Variants in GRIK2 observed in about 807,000 individuals in gnomAD.
GRIK2 encodes the protein glutamate ionotropic receptor kainate type subunit 2.
A neutral mutation model predicts 100.3 loss-of-function variants in GRIK2; 32 were observed. The ratio of observed to expected loss-of-function variants is 0.32; its 90% CI spans 0.24 to 0.43. The LOEUF is 0.43. GRIK2 is among the 20% of genes least tolerant of loss of function. The pLI is 1.00. For synonymous variants in GRIK2, 417 were observed against 389.4 expected, an observed-to-expected ratio of 1.07 and a Z score of -0.83; for missense variants, 843 against 1,114.9, an observed-to-expected ratio of 0.76 and a Z score of 3.47.
chr6:102,010,560 A>AT (rs1795479939), intron 14 of GRIK2, among the ~76,000 whole-genome samples: 1 of 151,052 alleles, frequency 6.6e-6, no homozygotes, highest in Admixed American at 6.6e-5. Flanking sequence ...ATTTTTTTGT[A>AT]TTTTTTAGTA....
chr6:101,948,500 A>G (rs1191524300), intron 14 of GRIK2, among the ~76,000 whole-genome samples: 1 of 148,080 alleles, frequency 6.8e-6, no homozygotes, highest in Non-Finnish European at 1.5e-5. Context: ...TATACATAAT[A>G]TAGTTATATA....
intron 11 of GRIK2, among the ~76,000 whole-genome samples, chr6:101,880,994 T>C (rs1036368096): frequency 7.9e-5 from 12 of 151,870 alleles, no homozygotes; most frequent in African/African-American, 2.2e-4. Context: ...ACTCATTTCA[T>C]GTCTTAGTAG....
intron 7 of GRIK2, among the ~76,000 whole-genome samples, chr6:101,765,999 A>T (rs1778025250): frequency 6.6e-6 from 1 of 152,164 alleles, no homozygotes; most frequent in Admixed American, 6.5e-5. Flanking sequence ...TATCATTAAC[A>T]TTTAAACTGT....
intron 2 of GRIK2, among the ~76,000 whole-genome samples, chr6:101,459,009 T>A (rs1435186930): frequency 2.0e-5 from 3 of 152,202 alleles, no homozygotes; most frequent in Non-Finnish European, 4.4e-5. Context: ...TCCAAATTTT[T>A]GTTTTGAAAA....
chr6:101,573,254 G>T (rs1582744372), intron 2 of GRIK2, among the ~76,000 whole-genome samples: 1 of 152,126 alleles, frequency 6.6e-6, no homozygotes, highest in African/African-American at 2.4e-5. Context: ...CTCAAACTTT[G>T]CTCGAATCAT....
intron 4 of GRIK2, among the ~76,000 whole-genome samples, chr6:101,641,578 G>C (rs1456811163): frequency 6.6e-6 from 1 of 151,684 alleles, no homozygotes; most frequent in East Asian, 1.9e-4. Context: ...GAAATTCAGC[G>C]AAGAGACTAG....
At chr6:101,605,651 C>G (rs1779408420) in intron 2 of GRIK2, among the ~76,000 whole-genome samples, 1 of 152,014 alleles carries the variant, frequency 6.6e-6, no homozygotes, top group Non-Finnish European at 1.5e-5. Flanking sequence ...GCACTCCGGC[C>G]TAGGTGACAA....
At chr6:101,759,026 A>G (rs926136853) in intron 7 of GRIK2, among the ~76,000 whole-genome samples, 1 of 152,310 alleles carries the variant, frequency 6.6e-6, no homozygotes, top group East Asian at 1.9e-4. Context: ...TTCTTTTTGT[A>G]ATATTCATTT....
At chr6:101,696,305 A>G (rs1772481652) in intron 7 of GRIK2, among the ~76,000 whole-genome samples, 1 of 151,504 alleles carries the variant, frequency 6.6e-6, no homozygotes, top group Non-Finnish European at 1.5e-5. Flanking sequence ...AATTTATATT[A>G]TATATAATGC....
intron 2 of GRIK2, among the ~76,000 whole-genome samples, chr6:101,405,538 C>A (rs1236263105): frequency 6.6e-6 from 1 of 151,952 alleles, no homozygotes; most frequent in African/African-American, 2.4e-5. Flanking sequence ...AGTAGAGAAA[C>A]CACAGAGACA....
At chr6:101,577,347 C>T (rs574144416) in intron 2 of GRIK2, among the ~76,000 whole-genome samples, 1 of 152,102 alleles carries the variant, frequency 6.6e-6, no homozygotes, top group African/African-American at 2.4e-5. Flanking sequence ...AACATAATAA[C>T]AGCATTCATT....
At chr6:101,696,804 T>A (rs1043600208) in intron 7 of GRIK2, among the ~76,000 whole-genome samples, 12 of 151,818 alleles carry the variant, frequency 7.9e-5, no homozygotes, top group African/African-American at 2.7e-4. Flanking sequence ...TATAAAAGAA[T>A]CCTTAAGCAT....
At chr6:101,499,256 T>C (rs934009719) in intron 2 of GRIK2, among the ~76,000 whole-genome samples, 3 of 152,162 alleles carry the variant, frequency 2.0e-5, no homozygotes, top group East Asian at 1.9e-4. Context: ...GAAAAGTTGA[T>C]AATATTTAAA....
intron 2 of GRIK2, among the ~76,000 whole-genome samples, chr6:101,595,641 C>CAT (rs953213142): frequency 1.1e-4 from 16 of 149,518 alleles, no homozygotes; most frequent in Non-Finnish European, 8.9e-5. Flanking sequence ...CACACACAGA[C>CAT]ATATATATAA....
At chr6:101,550,255 T>C (rs1376237394) in intron 2 of GRIK2, among the ~76,000 whole-genome samples, 2 of 152,144 alleles carry the variant, frequency 1.3e-5, no homozygotes, top group Admixed American at 1.3e-4. Flanking sequence ...AAAACTACAT[T>C]CATTGATATC....
chr6:101,967,183 G>A (rs1562073271), intron 14 of GRIK2, among the ~76,000 whole-genome samples: 1 of 151,686 alleles, frequency 6.6e-6, no homozygotes, highest in Non-Finnish European at 1.5e-5. Context: ...CAGGAATTCA[G>A]ATTAAATAGA....
chr6:101,926,181 T>C (rs913427065), intron 13 of GRIK2, among the ~76,000 whole-genome samples: 2 of 149,840 alleles, frequency 1.3e-5, no homozygotes, highest in African/African-American at 4.9e-5. Flanking sequence ...TTTTCTTACA[T>C]TTTGGGTCCA....
intron 7 of GRIK2, among the ~76,000 whole-genome samples, chr6:101,732,837 C>T (rs1020941662): frequency 3.9e-5 from 6 of 152,104 alleles, no homozygotes; most frequent in Admixed American, 6.6e-5. Flanking sequence ...CTCCTCACCC[C>T]ACTCCTTGCT....
In GRIK2 at chr6:101,688,764, T is replaced by C. The variant is rs145853368; in HGVS notation, c.951+2411T>C. Among the ~76,000 whole-genome samples, 386 of 152,110 alleles carry C rather than the reference T, an allele frequency of 2.5e-3. 6 individuals are homozygous for C. Among genetic ancestry groups the C allele is most frequent in the African/African-American group, 9.0e-3 (374 of 41,556 alleles). On this transcript the variant is annotated intron_variant, in intron 7 of 16. Coordinates refer to ENST00000369134, the MANE Select transcript of GRIK2 (RefSeq NM_021956.5). ...TTCCATGCAATTCTCTTTCCTTTGG[T>C]ATAGTTCTTAAATATAAAGTAGATA...
Sources: gnomAD v4.1 joint callset for allele counts (sites outside exome capture counted in the v4.1 genomes callset) on GRCh38, gnomAD v4.1.1 for gene constraint, MANE v1.5 for transcripts, NCBI Gene and HGNC (gene_info 2026-07-23, HGNC 2026-07-21) for gene names.